The following SPMIP11 variants were observed in gnomAD, a reference collection of about 807,000 sequenced individuals.
SPMIP11 encodes the protein sperm microtubule inner protein 11.
chr12:48,731,222 G>T, the SPMIP11 span, among the ~76,000 whole-genome samples: 38 of 152,302 alleles, frequency 2.5e-4, 1 homozygote, highest in African/African-American at 8.9e-4. Flanking sequence ...GCCGGGCACG[G>T]TGGCTCACGC....
At chr12:48,768,984 T>C in the SPMIP11 span, 2 of 1,614,032 alleles carry the variant, frequency 1.2e-6, no homozygotes, top group Non-Finnish European at 1.7e-6. Context: ...CTAGAGACAT[T>C]CACTGTGTTC....
the SPMIP11 span, among the ~76,000 whole-genome samples, chr12:48,760,430 G>A: frequency 3.3e-5 from 5 of 151,984 alleles, no homozygotes; most frequent in Admixed American, 6.6e-5. Flanking sequence ...CTCCCACCTC[G>A]GCCTCCCACA....
At chr12:48,770,987 GACCT>G in the SPMIP11 span, 3 of 1,609,320 alleles carry the variant, frequency 1.9e-6, no homozygotes, top group South Asian at 3.3e-5. Context: ...AACACAAGGA[GACCT>G]GGCTGTCAAG....
At chr12:48,759,455 G>A in the SPMIP11 span, 62 of 596,682 alleles carry the variant, frequency 1.0e-4, no homozygotes, top group South Asian at 3.3e-4. Context: ...TTGGGAGGCC[G>A]AGGCAGGCGG....
At chr12:48,736,221 T>A in the SPMIP11 span, 1 of 354,764 alleles carries the variant, frequency 2.8e-6, no homozygotes, top group South Asian at 2.0e-5. Flanking sequence ...ATGAACAACA[T>A]GGGGAAACCT....
At chr12:48,734,051 C>T in the SPMIP11 span, among the ~76,000 whole-genome samples, 16 of 151,138 alleles carry the variant, frequency 1.1e-4, no homozygotes, top group Non-Finnish European at 1.6e-4. Context: ...GGATTACAGA[C>T]GTGAGCCATC....
the SPMIP11 span, chr12:48,764,925 G>A: frequency 2.8e-6 from 2 of 702,930 alleles, no homozygotes; most frequent in Non-Finnish European, 5.2e-6. Flanking sequence ...TGATCCAGGA[G>A]TGCGTCCAGA....
chr12:48,748,497 G>GAA, the SPMIP11 span, among the ~76,000 whole-genome samples: 2 of 129,170 alleles, frequency 1.5e-5, no homozygotes, highest in African/African-American at 2.8e-5. Context: ...TCACGGTCTA[G>GAA]AAAAAAAAAA....
At chr12:48,740,713 C>A in the SPMIP11 span, among the ~76,000 whole-genome samples, 47 of 151,166 alleles carry the variant, frequency 3.1e-4, no homozygotes, top group Non-Finnish European at 5.9e-4. Flanking sequence ...GTGGTGAAAC[C>A]CAGTCTCTGC....
the SPMIP11 span, chr12:48,765,879 T>C: frequency 2.6e-5 from 14 of 530,928 alleles, no homozygotes; most frequent in South Asian, 2.9e-4. Flanking sequence ...TGTGGGAGAT[T>C]CCTGAATAAG....
At chr12:48,746,627 A>G in the SPMIP11 span, among the ~76,000 whole-genome samples, 1 of 151,942 alleles carries the variant, frequency 6.6e-6, no homozygotes. Context: ...GGCCTCCCAA[A>G]GTGCTGGGAT....
At chr12:48,750,279 G>A in the SPMIP11 span, among the ~76,000 whole-genome samples, 1 of 152,096 alleles carries the variant, frequency 6.6e-6, no homozygotes, top group African/African-American at 2.4e-5. Context: ...CTTGAACCCA[G>A]GAGATTGAGG....
At chr12:48,739,686 T>A in the SPMIP11 span, among the ~76,000 whole-genome samples, 3 of 151,884 alleles carry the variant, frequency 2.0e-5, no homozygotes, top group African/African-American at 7.3e-5. Flanking sequence ...GGTGGGTGGG[T>A]GGTACTATAC....
chr12:48,727,520 T>G, the SPMIP11 span: 1 of 702,760 alleles, frequency 1.4e-6, no homozygotes, highest in African/African-American at 1.7e-5. Context: ...ATATCAAAAT[T>G]CCTTTCAGAA....
chr12:48,756,082 A>G, the SPMIP11 span, among the ~76,000 whole-genome samples: 207 of 150,222 alleles, frequency 1.4e-3, no homozygotes, highest in African/African-American at 5.0e-3. Context: ...ACGGGGTTTC[A>G]CTGTGTTAGC....
chr12:48,761,189 G>A, the SPMIP11 span, among the ~76,000 whole-genome samples: 1 of 152,038 alleles, frequency 6.6e-6, no homozygotes, highest in African/African-American at 2.4e-5. Context: ...GCTCATGCCT[G>A]TAATCCCAGC....
the SPMIP11 span, chr12:48,736,216 C>A: frequency 2.8e-6 from 1 of 359,878 alleles, no homozygotes; most frequent in Non-Finnish European, 5.4e-6. Context: ...CCAGGATGAA[C>A]AACATGGGGA....
the SPMIP11 span, among the ~76,000 whole-genome samples, chr12:48,743,679 C>T: frequency 6.6e-5 from 10 of 152,044 alleles, no homozygotes; most frequent in Non-Finnish European, 1.3e-4. Context: ...CTGTGGCTCA[C>T]GCCTGTAATC....
the SPMIP11 span, among the ~76,000 whole-genome samples, chr12:48,743,705 G>A: frequency 3.9e-5 from 6 of 152,214 alleles, no homozygotes; most frequent in African/African-American, 1.4e-4. Context: ...ACTTTGGGAG[G>A]CCAAGGCGGG....
Sources: gnomAD v4.1 joint callset for allele counts (sites outside exome capture counted in the v4.1 genomes callset) on GRCh38, gnomAD v4.1.1 for gene constraint, MANE v1.5 for transcripts, NCBI Gene and HGNC (gene_info 2026-07-23, HGNC 2026-07-21) for gene names.